VSIG10: variants seen among roughly 807,000 people sequenced by gnomAD.
The protein encoded by VSIG10 is V-set and immunoglobulin domain containing 10, also known as V-set and immunoglobulin domain-containing protein 10.
A neutral mutation model predicts 58.7 loss-of-function variants in VSIG10; 48 were observed. The observed-to-expected ratio is 0.82, with a 90% confidence interval of 0.65 to 1.04. The LOEUF (loss-of-function observed/expected upper bound fraction) is 1.04. Among genes scored for constraint, VSIG10 ranks in the 50% least tolerant of loss-of-function variants. The probability of loss-of-function intolerance (pLI) is 0.00; values close to 1 mark genes in which losing one functional copy is unlikely to be tolerated. For missense variants in VSIG10, 628 were observed against 670.0 expected, an observed-to-expected ratio of 0.94 and a Z score of 0.69; for synonymous variants, 260 against 267.1, an observed-to-expected ratio of 0.97 and a Z score of 0.26.
intron 4 of VSIG10, among the ~76,000 whole-genome samples, chr12:118,077,658 G>T (rs2032782063): frequency 6.6e-6 from 1 of 152,106 alleles, no homozygotes; most frequent in South Asian, 2.1e-4. Flanking sequence ...AACTCCTGAG[G>T]CTAGGTCATA....
intron 5 of VSIG10, among the ~76,000 whole-genome samples, chr12:118,072,500 G>C (rs1171568225): frequency 6.6e-6 from 1 of 150,960 alleles, no homozygotes; most frequent in East Asian, 1.9e-4. Flanking sequence ...GGGGAGGGGA[G>C]GGAAAGAAAA....
At chr12:118,069,425 C>CTTTT (rs34116504) in intron 7 of VSIG10, among the ~76,000 whole-genome samples, 14 of 105,078 alleles carry the variant, frequency 1.3e-4, no homozygotes, top group African/African-American at 3.3e-4. Context: ...TCTTCTTCTT[C>CTTTT]TTTTTTTTTT....
intron 3 of VSIG10, among the ~76,000 whole-genome samples, chr12:118,079,888 C>G (rs2032883044): frequency 6.6e-6 from 1 of 152,202 alleles, no homozygotes; most frequent in Non-Finnish European, 1.5e-5. Context: ...GGCTGGAGGG[C>G]AGTGGTGCAA....
rs73410799 is a variant in VSIG10 at position 118,095,608 on chromosome 12, C to T, written c.286G>A (p.Gly96Arg). 1.9e-3 allele frequency: 3,031 copies of T among 1,613,934 alleles called. 41 individuals carry two copies. The African/African-American group carries it at 0.034, about 18-fold the overall frequency. Reference protein sequence around the residue: ...TSLHIESLSLGDEGIYTCQEI... With the variant: ...TSLHIESLSLRDEGIYTCQEI... ...TGGCAGGTGTAGATTCCCTCATCTCCCAGGCTCAGCGATTCAATGTGCAGG... is the reference window on the plus strand; with the variant it reads ...TGGCAGGTGTAGATTCCCTCATCTCTCAGGCTCAGCGATTCAATGTGCAGG... Residue 96 changes from glycine (G) to arginine (R), a missense_variant, in exon 2 of 9, where the codon GGA becomes AGA. Physicochemically the swap from Gly to Arg is moderately radical, Grantham distance 125. Transcript: ENST00000359236.
intron 7 of VSIG10, among the ~76,000 whole-genome samples, chr12:118,070,361 A>G (rs565899259): frequency 6.6e-6 from 1 of 152,228 alleles, no homozygotes; most frequent in Non-Finnish European, 1.5e-5. Flanking sequence ...TAGCCTGGGC[A>G]ACATGGTGAA....
intron 1 of VSIG10, among the ~76,000 whole-genome samples, chr12:118,096,932 G>A (rs775977064): frequency 1.3e-5 from 2 of 151,802 alleles, no homozygotes; most frequent in Non-Finnish European, 2.9e-5. Context: ...CCAGCTACTC[G>A]GGAAGCTAAG....
At chr12:118,096,060 G>A (rs2033446753) in intron 1 of VSIG10, among the ~76,000 whole-genome samples, 1 of 151,622 alleles carries the variant, frequency 6.6e-6, no homozygotes, top group African/African-American at 2.4e-5. Context: ...CAAGTAGCTG[G>A]GATTACAGGC....
chr12:118,079,223 G>A, intron 4 of VSIG10, 123 bp downstream of exon 4: 1 of 1,349,498 alleles, frequency 7.4e-7, no homozygotes, highest in Non-Finnish European at 9.9e-7. Flanking sequence ...AGGGAGAAAG[G>A]GAAGGAATTC....
At chr12:118,068,327 GC>G (rs2032338736) in intron 8 of VSIG10, 49 bp downstream of exon 8, 14 of 1,588,176 alleles carry the variant, frequency 8.8e-6, no homozygotes, top group Non-Finnish European at 1.2e-5. Context: ...GAGCCAACGC[GC>G]CTTTTTTTGT....
intron 2 of VSIG10, among the ~76,000 whole-genome samples, chr12:118,092,638 C>CTTTTTT (rs35654590): frequency 7.1e-6 from 1 of 140,448 alleles, no homozygotes; most frequent in African/African-American, 2.6e-5. Context: ...TTTTCTTTTT[C>CTTTTTT]TTTTTTTTTT....
intron 8 of VSIG10, 61 bp downstream of exon 8, chr12:118,068,316 T>G: frequency 4.5e-6 from 7 of 1,556,678 alleles, no homozygotes; most frequent in Non-Finnish European, 6.1e-6. Flanking sequence ...ATTATAGGCG[T>G]GAGCCAACGC....
chr12:118,066,488 T>C lies in VSIG10; in HGVS notation c.*151A>G. ...TTCAATACATGGAAGGAAAGATGTG[T>C]GTGCTTGGTTTTGTTTTTTGCTGAG... On this transcript the variant is annotated 3_prime_UTR_variant, in exon 9 of 9. Coordinates refer to ENST00000359236, the MANE Select transcript of VSIG10 (RefSeq NM_019086.6). 2 of 742,874 alleles carry C rather than the reference T, an allele frequency of 2.7e-6. No individual in the cohort carries two copies. Among genetic ancestry groups the C allele is most frequent in the Non-Finnish European group, 4.8e-6 (2 of 417,516 alleles). The allele number at this position is 742,874 out of a possible 1,614,324, so 46.0% of individuals were successfully genotyped here. A position where few individuals can be genotyped will look rare whatever the true frequency, so the allele number is the denominator to read the frequency against.
intron 3 of VSIG10, among the ~76,000 whole-genome samples, chr12:118,081,007 G>C (rs2032929253): frequency 6.6e-6 from 1 of 152,140 alleles, no homozygotes. Flanking sequence ...TTAGGAGGCT[G>C]AGGTGAGCAG....
intron 1 of VSIG10, among the ~76,000 whole-genome samples, chr12:118,100,208 A>G (rs1018395677): frequency 4.6e-5 from 7 of 151,996 alleles, no homozygotes; most frequent in African/African-American, 7.2e-5. Flanking sequence ...CATCTCTACT[A>G]AAAATTAGCT....
chr12:118,071,121 A>G, intron 6 of VSIG10, 54 bp from the exon 7 acceptor site: 1 of 1,562,192 alleles, frequency 6.4e-7, no homozygotes. Context: ...CTTCAACCTG[A>G]CAGGTTCTTA....
Position 118,065,640 on chromosome 12 carries a change from G to GA in VSIG10, c.*998dup, listed in dbSNP as rs896884850. The GA allele has an allele frequency of 2.0e-5, 3 of 152,162 alleles. No individual in the cohort carries two copies. The highest frequency in any genetic ancestry group is 7.2e-5 in the African/African-American group (3 of 41,430). 9.4% of individuals were successfully genotyped at this position (152,162 alleles called of 1,614,324 possible). ...TTTAAGCCCTAGGTCCTGCCCACTA[G>GA]AGCAGATACGCAACTTTAAAGAGTA... On this transcript the variant is annotated 3_prime_UTR_variant, in exon 9 of 9. Coordinates refer to ENST00000359236, the MANE Select transcript of VSIG10 (RefSeq NM_019086.6).
At chr12:118,080,409 C>T (rs972696689) in intron 3 of VSIG10, among the ~76,000 whole-genome samples, 2 of 152,108 alleles carry the variant, frequency 1.3e-5, no homozygotes, top group African/African-American at 4.8e-5. Context: ...ATCCACCTGC[C>T]TCGGCCTCCC....
intron 2 of VSIG10, 47 bp from the exon 3 acceptor site, chr12:118,082,476 C>A (rs1240900386): frequency 1.9e-6 from 3 of 1,544,118 alleles, no homozygotes; most frequent in Non-Finnish European, 1.8e-6. Flanking sequence ...TGTAAGAGCT[C>A]ATTCGATTGC....
intron 4 of VSIG10, 123 bp from the exon 5 acceptor site, chr12:118,074,115 C>T (rs2032616643): frequency 3.8e-5 from 42 of 1,099,324 alleles, no homozygotes; most frequent in Middle Eastern, 2.8e-4. Context: ...GGAGGTTTTG[C>T]TCTGTTGCCC....
Sources: gnomAD v4.1 joint callset for allele counts (sites outside exome capture counted in the v4.1 genomes callset) on GRCh38, gnomAD v4.1.1 for gene constraint, MANE v1.5 for transcripts, NCBI Gene and HGNC (gene_info 2026-07-23, HGNC 2026-07-21) for gene names.